Variants in VPS13B observed in about 807,000 individuals in gnomAD.
VPS13B encodes the protein vacuolar protein sorting 13 homolog B.
A neutral mutation model predicts 426.4 loss-of-function variants in VPS13B; 285 were observed. The observed-to-expected ratio is 0.67, with a 90% CI of 0.61 to 0.74. The LOEUF is 0.74. Among genes scored for constraint, VPS13B ranks in the 30% least tolerant of loss-of-function variants. The pLI is 0.00. For missense variants in VPS13B, 4,537 were observed against 4,782.6 expected (o/e 0.95, Z 1.51); for synonymous variants, 1,676 against 1,676.4 (o/e 1.00, Z 0.01).
chr8:99,337,867 A>T (rs1811010396), intron 19 of VPS13B, among the ~76,000 whole-genome samples: 1 of 152,128 alleles, frequency 6.6e-6, no homozygotes, highest in African/African-American at 2.4e-5. Flanking sequence ...GATTCAAAAA[A>T]TCAAGTTTTA....
chr8:99,128,137 T>A (rs1244930961), intron 8 of VPS13B, among the ~76,000 whole-genome samples: 1 of 152,060 alleles, frequency 6.6e-6, no homozygotes, highest in African/African-American at 2.4e-5. Flanking sequence ...ACACCTGTAA[T>A]CCCAGCACTT....
chr8:99,029,658 C>T (rs1336639688), intron 2 of VPS13B, among the ~76,000 whole-genome samples: 1 of 151,292 alleles, frequency 6.6e-6, no homozygotes, highest in African/African-American at 2.4e-5. Flanking sequence ...CGCCTGCAAT[C>T]GCAGGCACTC....
At chr8:99,291,127 T>A (rs1401490658) in intron 19 of VPS13B, among the ~76,000 whole-genome samples, 1 of 152,038 alleles carries the variant, frequency 6.6e-6, no homozygotes, top group Non-Finnish European at 1.5e-5. Context: ...TGGAGAGAAT[T>A]ACACAGATTT....
intron 36 of VPS13B, among the ~76,000 whole-genome samples, chr8:99,706,175 C>G (rs928789684): frequency 6.6e-6 from 1 of 152,058 alleles, no homozygotes; most frequent in Non-Finnish European, 1.5e-5. Context: ...CCACCACCAC[C>G]GCAACCAATA....
At position 99,766,820 on chromosome 8, in the gene VPS13B, T is replaced by C. The variant is rs553556330; in HGVS notation, c.7097T>C (p.Val2366Ala). 1 of 1,614,020 alleles carries C rather than the reference T, an allele frequency of 6.2e-7. No homozygotes were observed. The highest frequency in any genetic ancestry group is 2.2e-5 in the East Asian group (1 of 44,834). The change falls in exon 40 of 62, where the codon GTT (valine) becomes GCT (alanine). Residue 2366 changes from valine to alanine, a missense_variant. Physicochemically the swap from Val to Ala is moderately conservative, Grantham distance 64. Transcript: ENST00000357162. Reference sequence around the variant, plus strand: ...TGGGATGAACTCCAGAAGGTTTTTGTTGCATTTAGAGAATTTAATCTGTCT... The same window carrying C: ...TGGGATGAACTCCAGAAGGTTTTTGCTGCATTTAGAGAATTTAATCTGTCT... The part of the protein sequence containing the change: ...EYWDELQKVF[V>A]AFREFNLSES...
At chr8:99,681,616 T>C (rs1365510724) in intron 35 of VPS13B, among the ~76,000 whole-genome samples, 3 of 152,290 alleles carry the variant, frequency 2.0e-5, no homozygotes. Context: ...TGCAGTGAGC[T>C]AGGATAGTGC....
chr8:99,575,775 G>A lies in VPS13B; in HGVS notation c.5067G>A (p.Leu1689=). 1 of 1,613,430 alleles carries A rather than the reference G, an allele frequency of 6.2e-7. No homozygotes were observed. The highest frequency in any genetic ancestry group is 8.5e-7 in the Non-Finnish European group (1 of 1,179,660). The change falls in exon 32 of 62, where the codon TTG becomes TTA. Residue 1689 remains leucine, a synonymous_variant. Coordinates refer to ENST00000357162, the MANE Select transcript of VPS13B (RefSeq NM_152564.5). ...IFTKVVSPEN[L]HTEEILVCGH... ...CCAAAGTAGTTTCTCCAGAAAATTTGCATACTGAGGTTAGAACATAATTTT... is the reference window on the plus strand; with the variant it reads ...CCAAAGTAGTTTCTCCAGAAAATTTACATACTGAGGTTAGAACATAATTTT...
At chr8:99,867,777 A>G (rs974612552) in intron 58 of VPS13B, among the ~76,000 whole-genome samples, 4 of 152,220 alleles carry the variant, frequency 2.6e-5, no homozygotes, top group Non-Finnish European at 5.9e-5. Flanking sequence ...TAATCCAAAT[A>G]ATAATTACTA....
At chr8:99,617,846 A>T (rs984496073) in intron 33 of VPS13B, among the ~76,000 whole-genome samples, 1 of 152,194 alleles carries the variant, frequency 6.6e-6, no homozygotes, top group African/African-American at 2.4e-5. Context: ...GTCCCTGCTC[A>T]GGCAAAATTT....
At position 99,717,209 on chromosome 8, in the gene VPS13B, G is replaced by A. The variant is rs763541177; in HGVS notation, c.6493G>A (p.Asp2165Asn). The A allele has an allele frequency of 5.6e-6, 9 of 1,613,418 alleles. No homozygotes were observed. Among genetic ancestry groups the A allele is most frequent in the Non-Finnish European group, 2.5e-6 (3 of 1,179,856 alleles). Residue 2165 changes from aspartate (D) to asparagine (N), a missense_variant, in exon 37 of 62, where the codon GAT becomes AAT. Asp to Asn is a conservative substitution (Grantham distance 23). This residue lies in a region of VPS13B where 4,311 missense variants were observed against 4,474.3 expected (regional missense o/e 0.96). Coordinates refer to ENST00000357162, the MANE Select transcript of VPS13B (RefSeq NM_152564.5). ...GTCATCATTTCTACTCAGTATAAAC[G>A]ATTTTCTCCTTAAAACAAGTCTCAA... is the stretch of plus-strand genomic sequence containing the variant. ...LGSSFLLSIN[D>N]FLLKTSLKER...
intron 3 of VPS13B, among the ~76,000 whole-genome samples, chr8:99,055,044 G>GTTTTTTTTTTTTTTTTTTT (rs397779213): frequency 7.0e-6 from 1 of 141,882 alleles, no homozygotes; most frequent in Non-Finnish European, 1.5e-5. Flanking sequence ...TTTTTTTTTT[G>GTTTTTTTTTTTTTTTTTTT]TTTTTTTTTT....
chr8:99,566,450 T>C (rs1825193408), intron 31 of VPS13B, among the ~76,000 whole-genome samples: 1 of 151,970 alleles, frequency 6.6e-6, no homozygotes, highest in South Asian at 2.1e-4. Flanking sequence ...TTCTTCTTTT[T>C]TTTTTTTTGA....
At chr8:99,811,517 A>G (rs915179102) in intron 44 of VPS13B, among the ~76,000 whole-genome samples, 10 of 152,026 alleles carry the variant, frequency 6.6e-5, no homozygotes, top group Non-Finnish European at 8.8e-5. Context: ...TTGCATTTCT[A>G]ACAAGTTCCC....
intron 25 of VPS13B, among the ~76,000 whole-genome samples, chr8:99,491,898 T>C (rs1258489944): frequency 6.6e-6 from 1 of 152,192 alleles, no homozygotes; most frequent in African/African-American, 2.4e-5. Context: ...TCCAGTTTTG[T>C]TCCATTGCTG....
At chr8:99,810,270 G>T (rs1813629129) in intron 44 of VPS13B, among the ~76,000 whole-genome samples, 1 of 152,164 alleles carries the variant, frequency 6.6e-6, no homozygotes. Flanking sequence ...CTGAAAACTG[G>T]CTTCACTGCA....
intron 20 of VPS13B, among the ~76,000 whole-genome samples, chr8:99,387,413 G>A (rs890285265): frequency 1.3e-5 from 2 of 151,784 alleles, no homozygotes; most frequent in African/African-American, 2.4e-5. Context: ...TGTAGAGGTG[G>A]TGTCTCACTA....
chr8:99,153,301 T>C (rs551346573), intron 14 of VPS13B, among the ~76,000 whole-genome samples: 1 of 152,356 alleles, frequency 6.6e-6, no homozygotes, highest in Admixed American at 6.5e-5. Context: ...TGATATGAAG[T>C]TATTATTGAT....
intron 31 of VPS13B, among the ~76,000 whole-genome samples, chr8:99,557,638 A>T (rs767648996): frequency 3.9e-5 from 6 of 152,078 alleles, no homozygotes; most frequent in Non-Finnish European, 8.8e-5. Flanking sequence ...ATAATGACTT[A>T]TTTTCCTTTG....
At chr8:99,825,773 C>T (rs956187059) in intron 51 of VPS13B, among the ~76,000 whole-genome samples, 9 of 152,168 alleles carry the variant, frequency 5.9e-5, no homozygotes, top group Admixed American at 1.3e-4. Context: ...GATCCAGTTT[C>T]AGTTTTCTGC....
Sources: gnomAD v4.1 joint callset for allele counts (sites outside exome capture counted in the v4.1 genomes callset) on GRCh38, gnomAD v4.1.1 for gene constraint, gnomAD v4.1.1 regional missense constraint, MANE v1.5 for transcripts, NCBI Gene and HGNC (gene_info 2026-07-23, HGNC 2026-07-21) for gene names.